Variants in ANK3 observed in about 807,000 individuals in gnomAD.
ANK3 encodes the protein ankyrin-3.
ANK3 carries 57 observed loss-of-function variants against 370.9 expected under a neutral mutation model. The observed-to-expected ratio is 0.15, with a 90% confidence interval of 0.12 to 0.19. ANK3 has a LOEUF of 0.19. Ranked by LOEUF, ANK3 falls within the 10% of genes least tolerant of loss-of-function variation. The probability of loss-of-function intolerance (pLI) is 1.00; values close to 1 mark genes in which losing one functional copy is unlikely to be tolerated. For missense variants in ANK3, 4,439 were observed against 5,302.1 expected, an observed-to-expected ratio of 0.84 and a Z score of 5.06; for synonymous variants, 1,929 against 1,946.3, an observed-to-expected ratio of 0.99 and a Z score of 0.23.
At chr10:60,233,976 C>T (rs142102523) in intron 8 of ANK3, among the ~76,000 whole-genome samples, 254 of 152,272 alleles carry the variant, frequency 1.7e-3, no homozygotes, top group Non-Finnish European at 2.9e-3. Context: ...CTAGATGTCT[C>T]AGATAAGTGG....
At chr10:60,648,158 C>CTTTTTT (rs35974681) in intron 1 of ANK3, among the ~76,000 whole-genome samples, 1 of 101,580 alleles carries the variant, frequency 9.8e-6, no homozygotes, top group African/African-American at 3.9e-5. Flanking sequence ...TTTTTTTTTC[C>CTTTTTT]TTTTTTTTTT....
intron 2 of ANK3, among the ~76,000 whole-genome samples, chr10:60,504,332 T>C (rs1360356479): frequency 6.6e-6 from 1 of 152,168 alleles, no homozygotes; most frequent in Non-Finnish European, 1.5e-5. Flanking sequence ...ATGACAGGCA[T>C]GGTAGGTGCA....
chr10:60,107,760 CAT>C (rs1191104625), intron 27 of ANK3, among the ~76,000 whole-genome samples: 17 of 152,238 alleles, frequency 1.1e-4, no homozygotes, highest in Non-Finnish European at 1.0e-4. Flanking sequence ...CACACACACA[CAT>C]GCGCACGCGC....
At chr10:60,146,575 G>A (rs2094835608) in intron 23 of ANK3, among the ~76,000 whole-genome samples, 1 of 152,074 alleles carries the variant, frequency 6.6e-6, no homozygotes, top group Non-Finnish European at 1.5e-5. Context: ...TGCAACCTCT[G>A]CCTACTGGGT....
chr10:60,590,319 C>A (rs2077891954), intron 2 of ANK3, among the ~76,000 whole-genome samples: 1 of 152,152 alleles, frequency 6.6e-6, no homozygotes, highest in African/African-American at 2.4e-5. Context: ...AATATCTCTT[C>A]AATAATTACT....
chr10:60,521,421 A>T (rs548959708), intron 2 of ANK3, among the ~76,000 whole-genome samples: 32 of 152,286 alleles, frequency 2.1e-4, no homozygotes, highest in African/African-American at 7.7e-4. Context: ...GCTCCTGATC[A>T]GACTGGGGAA....
chr10:60,380,255 A>G (rs112247558), intron 1 of ANK3, among the ~76,000 whole-genome samples: 1,856 of 152,244 alleles, frequency 0.012, 42 homozygotes, highest in African/African-American at 0.043. Flanking sequence ...GAAAGAGATA[A>G]ATCACAAAAA....
rs753694698 is a variant in ANK3 at position 60,059,354 on chromosome 10, A to T, written c.12672T>A (p.Asp4224Glu). ...QARRVTGGLLDRLDDSPDQCR... is the reference protein window; with the variant it reads ...QARRVTGGLLERLDDSPDQCR... ...AACAGCCATACCTGTCATCCAGTCG[A>T]TCTAGTAACCCACCAGTTACTCTTC... The change falls in exon 41 of 44, where the codon GAT becomes GAA. Residue 4224 changes from aspartate to glutamate, a missense_variant. Physicochemically the swap from Asp to Glu is conservative, Grantham distance 45. Around this residue, in one of 13 missense-constraint regions of ANK3, gnomAD observed 242 missense variants for 228.0 expected, o/e 1.06. Coordinates refer to ENST00000280772, the MANE Select transcript of ANK3 (RefSeq NM_020987.5). 4.5e-5 allele frequency: 73 copies of T among 1,613,760 alleles called. No homozygotes were observed. The South Asian group carries it at 5.2e-4, about 11-fold the overall frequency.
chr10:60,400,643 T>C (rs561170616), intron 2 of ANK3, among the ~76,000 whole-genome samples: 20 of 152,332 alleles, frequency 1.3e-4, no homozygotes, highest in African/African-American at 4.8e-4. Flanking sequence ...CTTTAGATTC[T>C]AAAGAAACAA....
intron 28 of ANK3, among the ~76,000 whole-genome samples, chr10:60,094,550 G>A (rs529534837): frequency 6.6e-6 from 1 of 152,126 alleles, no homozygotes; most frequent in East Asian, 1.9e-4. Context: ...ATATTTATAA[G>A]TTTTTTCTCT....
chr10:60,692,635 G>A (rs1296265108), intron 1 of ANK3, among the ~76,000 whole-genome samples: 2 of 151,968 alleles, frequency 1.3e-5, no homozygotes, highest in Non-Finnish European at 2.9e-5. Context: ...ACAACCACTG[G>A]GACTCCAAAT....
intron 2 of ANK3, among the ~76,000 whole-genome samples, chr10:60,555,559 G>A (rs556400884): frequency 9.9e-5 from 15 of 152,012 alleles, no homozygotes; most frequent in African/African-American, 1.4e-4. Context: ...AAAAGCATTC[G>A]GGTATGAAGG....
At chr10:60,455,759 C>A (rs1473138089) in intron 2 of ANK3, among the ~76,000 whole-genome samples, 1 of 152,114 alleles carries the variant, frequency 6.6e-6, no homozygotes, top group African/African-American at 2.4e-5. Flanking sequence ...AGGCTTTGAC[C>A]ATTTTTGGCC....
intron 2 of ANK3, among the ~76,000 whole-genome samples, chr10:60,587,084 A>G (rs1309367107): frequency 6.6e-6 from 1 of 152,166 alleles, no homozygotes; most frequent in Admixed American, 6.6e-5. Context: ...TGGTGGAAGG[A>G]GAAGGGAAAG....
chr10:60,318,732 C>A (rs1019513901), intron 1 of ANK3, among the ~76,000 whole-genome samples: 3 of 152,102 alleles, frequency 2.0e-5, no homozygotes, highest in Non-Finnish European at 2.9e-5. Context: ...TCCTCGCCAC[C>A]CTGCCCCCTT....
intron 36 of ANK3, 130 bp from the exon 37 acceptor site, chr10:60,076,578 T>A: frequency 8.2e-7 from 1 of 1,220,912 alleles, no homozygotes; most frequent in Non-Finnish European, 1.1e-6. Flanking sequence ...ATTGTTTGCA[T>A]GATTTAGAAT....
In ANK3 at chr10:60,682,493, T is replaced by C. The variant is rs144619087; in HGVS notation, c.57+50770A>G. On this transcript the variant is annotated intron_variant, in intron 1 of 43. Transcript: ENST00000373827. ...TCCCATTGCCCTTGTTACAGTCTTTTGTTATAATATTGGGTGTGTTAGGCC... is the reference window on the plus strand; with the variant it reads ...TCCCATTGCCCTTGTTACAGTCTTTCGTTATAATATTGGGTGTGTTAGGCC... Among the ~76,000 whole-genome samples, 367 of 152,280 alleles carry C rather than the reference T, an allele frequency of 2.4e-3. 2 individuals are homozygous for C. The highest frequency in any genetic ancestry group is 3.7e-3 in the Non-Finnish European group (252 of 68,016).
intron 1 of ANK3, among the ~76,000 whole-genome samples, chr10:60,707,588 A>G (rs2079638507): frequency 6.6e-6 from 1 of 151,522 alleles, no homozygotes; most frequent in Admixed American, 6.6e-5. Flanking sequence ...ACATGATTAT[A>G]GATTTATATG....
At chr10:60,166,112 TTTTTCAGGTTG>T (rs2095618391) in intron 23 of ANK3, among the ~76,000 whole-genome samples, 1 of 152,172 alleles carries the variant, frequency 6.6e-6, no homozygotes, top group Non-Finnish European at 1.5e-5. Flanking sequence ...AAAAGTTTTT[TTTTTCAGGTTG>T]TTTTCATTAT....
Sources: gnomAD v4.1 joint callset for allele counts (sites outside exome capture counted in the v4.1 genomes callset) on GRCh38, gnomAD v4.1.1 for gene constraint, gnomAD v4.1.1 regional missense constraint, MANE v1.5 for transcripts, NCBI Gene and HGNC (gene_info 2026-07-23, HGNC 2026-07-21) for gene names.